The following NELL2 variants were observed in gnomAD, a reference collection of about 807,000 sequenced individuals.
NELL2 encodes the protein protein kinase C-binding protein NELL2.
NELL2 carries 41 observed loss-of-function variants against 109.6 expected under a neutral mutation model. The ratio of observed to expected loss-of-function variants is 0.37; its 90% confidence interval spans 0.29 to 0.49. NELL2 has a LOEUF of 0.49. Among genes scored for constraint, NELL2 ranks in the 20% least tolerant of loss-of-function variants. The pLI is 0.98. For missense variants in NELL2, 900 were observed against 1,008.3 expected (o/e 0.89, Z 1.45); for synonymous variants, 355 against 344.7 (o/e 1.03, Z -0.33).
chr12:44,849,067 T>C (rs1471049804), intron 2 of NELL2, among the ~76,000 whole-genome samples: 1 of 152,204 alleles, frequency 6.6e-6, no homozygotes, highest in African/African-American at 2.4e-5. Flanking sequence ...TTTCTTTCTG[T>C]TGAATTTACA....
chr12:44,521,529 C>CAAAAAAAAAAAAAAAAAAAAA (rs56713964), intron 18 of NELL2, among the ~76,000 whole-genome samples: 17 of 111,348 alleles, frequency 1.5e-4, no homozygotes, highest in African/African-American at 5.8e-4. Flanking sequence ...GACTCCGTCT[C>CAAAAAAAAAAAAAAAAAAAAA]AAAAAAAAAA....
At chr12:44,804,702 A>G (rs572328113) in intron 3 of NELL2, among the ~76,000 whole-genome samples, 3 of 152,062 alleles carry the variant, frequency 2.0e-5, no homozygotes, top group African/African-American at 7.2e-5. Context: ...GATGTATTGT[A>G]ATGCCAAAGA....
At chr12:44,577,637 C>G (rs576972872) in intron 15 of NELL2, among the ~76,000 whole-genome samples, 18 of 151,736 alleles carry the variant, frequency 1.2e-4, no homozygotes, top group African/African-American at 4.4e-4. Context: ...CCACCATGCC[C>G]GGCTAATTTT....
At chr12:44,614,007 TATGTTC>T (rs1945725226) in intron 13 of NELL2, among the ~76,000 whole-genome samples, 1 of 152,058 alleles carries the variant, frequency 6.6e-6, no homozygotes, top group African/African-American at 2.4e-5. Flanking sequence ...AAATCAATAT[TATGTTC>T]CAATGTTTAA....
intron 16 of NELL2, among the ~76,000 whole-genome samples, chr12:44,525,832 G>A (rs768068241): frequency 1.3e-5 from 2 of 152,146 alleles, no homozygotes; most frequent in Non-Finnish European, 2.9e-5. Flanking sequence ...CACACTGGTA[G>A]CTCTTCCTGG....
At chr12:44,525,231 C>T (rs1451093144) in intron 16 of NELL2, among the ~76,000 whole-genome samples, 1 of 152,124 alleles carries the variant, frequency 6.6e-6, no homozygotes, top group Admixed American at 6.5e-5. Context: ...ATACTTTTTT[C>T]CCCCTTATAG....
intron 12 of NELL2, among the ~76,000 whole-genome samples, chr12:44,693,256 A>AT (rs776216062): frequency 6.6e-6 from 1 of 152,182 alleles, no homozygotes; most frequent in African/African-American, 2.4e-5. Context: ...GATTGTTAGC[A>AT]TTTTTTGCAG....
chr12:44,521,801 G>A (rs1429847427), intron 18 of NELL2, among the ~76,000 whole-genome samples, 199 bp downstream of exon 18: 2 of 151,852 alleles, frequency 1.3e-5, no homozygotes, highest in Non-Finnish European at 2.9e-5. Context: ...TCAACACCTT[G>A]TACCACATCT....
intron 1 of NELL2, among the ~76,000 whole-genome samples, chr12:44,904,882 GA>G (rs1041596642): frequency 6.6e-6 from 1 of 151,486 alleles, no homozygotes; most frequent in Admixed American, 6.6e-5. Flanking sequence ...ATTACATTTT[GA>G]AAAAAAAGTG....
chr12:44,779,854 G>A lies in NELL2; in HGVS notation c.504C>T (p.Cys168=). ...SASHLILHID[C]NKIYERVVEK... is the part of the protein sequence containing the mutation. ...AATGAGGACACTACACTTACTTATT[G>A]CAGTCAATGTGTAAAATCAAATGGG... is the stretch of plus-strand genomic sequence containing the variant. Residue 168 remains cysteine, a synonymous_variant, in exon 4 of 20, where the codon TGC becomes TGT. Transcript: ENST00000429094. The A allele has an allele frequency of 6.2e-7, 1 of 1,613,766 alleles. No homozygotes were observed. The highest frequency in any genetic ancestry group is 8.5e-7 in the Non-Finnish European group (1 of 1,179,718).
chr12:44,695,147 G>C (rs1253685658), intron 12 of NELL2, among the ~76,000 whole-genome samples: 2 of 145,174 alleles, frequency 1.4e-5, no homozygotes, highest in Non-Finnish European at 3.0e-5. Context: ...AAGAAGGAAG[G>C]AAAGAGGGGA....
chr12:44,663,420 G>T (rs1452376257), intron 13 of NELL2, among the ~76,000 whole-genome samples: 1 of 152,156 alleles, frequency 6.6e-6, no homozygotes, highest in Non-Finnish European at 1.5e-5. Flanking sequence ...AGAAATAGTG[G>T]TGTTAGTTGA....
At chr12:44,674,068 A>G (rs1160175246) in intron 12 of NELL2, among the ~76,000 whole-genome samples, 1 of 152,212 alleles carries the variant, frequency 6.6e-6, no homozygotes, top group Non-Finnish European at 1.5e-5. Flanking sequence ...TTATAAAGTG[A>G]TGCATACTAT....
At chr12:44,695,801 C>CA in intron 12 of NELL2, among the ~76,000 whole-genome samples, 1 of 151,604 alleles carries the variant, frequency 6.6e-6, no homozygotes, top group African/African-American at 2.4e-5. Flanking sequence ...CATGTCTCTC[C>CA]AAAAAAATTT....
chr12:44,822,237 C>T (rs112726666), intron 2 of NELL2, among the ~76,000 whole-genome samples: 1 of 152,028 alleles, frequency 6.6e-6, no homozygotes, highest in East Asian at 1.9e-4. Context: ...GTAGTAAAGA[C>T]CATGGGTTTA....
At chr12:44,910,863 G>A (rs868338524) in intron 1 of NELL2, among the ~76,000 whole-genome samples, 5 of 151,850 alleles carry the variant, frequency 3.3e-5, no homozygotes, top group Non-Finnish European at 5.9e-5. Context: ...TGGAACACAA[G>A]GACTTAGCCA....
At chr12:44,541,968 C>T (rs1942593425) in intron 15 of NELL2, among the ~76,000 whole-genome samples, 1 of 152,200 alleles carries the variant, frequency 6.6e-6, no homozygotes, top group African/African-American at 2.4e-5. Flanking sequence ...AGAGGTCTAA[C>T]CCTTGCCCAT....
At chr12:44,644,597 TATATATGTATGTA>T (rs1946998800) in intron 13 of NELL2, among the ~76,000 whole-genome samples, 1 of 83,206 alleles carries the variant, frequency 1.2e-5, no homozygotes. Flanking sequence ...TATATATATA[TATATATGTATGTA>T]TATATATATA....
intron 13 of NELL2, among the ~76,000 whole-genome samples, chr12:44,630,239 T>G (rs1946402519): frequency 6.6e-6 from 1 of 152,194 alleles, no homozygotes; most frequent in African/African-American, 2.4e-5. Flanking sequence ...AAAATATAAG[T>G]TACTTTGTCC....
Sources: allele counts gnomAD v4.1 joint callset (sites outside exome capture counted in the v4.1 genomes callset), GRCh38; gene constraint gnomAD v4.1.1; transcripts MANE v1.5; gene names NCBI Gene and HGNC (gene_info 2026-07-23, HGNC 2026-07-21).